The following KIAA1217 variants were observed in gnomAD, a reference collection of about 807,000 sequenced individuals.
KIAA1217 encodes sickle tail protein homolog.
KIAA1217 carries 88 observed loss-of-function variants against 163.9 expected under a neutral mutation model. The observed-to-expected ratio is 0.54, with a 90% confidence interval of 0.45 to 0.64. The LOEUF is 0.64. Among genes scored for constraint, KIAA1217 ranks in the 30% least tolerant of loss-of-function variants. KIAA1217 has a pLI of 0.00. For missense variants in KIAA1217, 2,372 were observed against 2,475.0 expected, an observed-to-expected ratio of 0.96 and a Z score of 0.88; for synonymous variants, 903 against 923.1, an observed-to-expected ratio of 0.98 and a Z score of 0.39.
At chr10:23,764,873 G>A (rs1564401126) in intron 1 of KIAA1217, among the ~76,000 whole-genome samples, 1 of 152,174 alleles carries the variant, frequency 6.6e-6, no homozygotes, top group African/African-American at 2.4e-5. Flanking sequence ...ATATACCTAT[G>A]TAACAAACCT....
At chr10:24,218,751 A>G (rs987232504) in intron 1 of KIAA1217, among the ~76,000 whole-genome samples, 1 of 152,052 alleles carries the variant, frequency 6.6e-6, no homozygotes, top group East Asian at 1.9e-4. Flanking sequence ...GGCCTCCCAA[A>G]GTGCTGGGAT....
At chr10:23,998,931 G>A (rs554809587) in intron 1 of KIAA1217, among the ~76,000 whole-genome samples, 20 of 152,002 alleles carry the variant, frequency 1.3e-4, no homozygotes, top group African/African-American at 4.8e-4. Context: ...CAGAAAGAAG[G>A]CATTGTAAAA....
At chr10:24,054,693 A>T (rs920486318) in intron 2 of KIAA1217, among the ~76,000 whole-genome samples, 15 of 152,174 alleles carry the variant, frequency 9.9e-5, no homozygotes, top group African/African-American at 3.6e-4. Flanking sequence ...CATTGTGCAA[A>T]CATCATAGAG....
chr10:24,290,522 C>A (rs1456965910), intron 2 of KIAA1217, among the ~76,000 whole-genome samples: 2 of 151,486 alleles, frequency 1.3e-5, no homozygotes, highest in Non-Finnish European at 2.9e-5. Context: ...AAAAAAAGTT[C>A]TTTCTTTTTT....
intron 2 of KIAA1217, among the ~76,000 whole-genome samples, chr10:24,339,054 C>T (rs2046740748): frequency 6.6e-6 from 1 of 152,158 alleles, no homozygotes; most frequent in South Asian, 2.1e-4. Flanking sequence ...ATATTTTTCT[C>T]AGTGTTACTA....
At chr10:24,035,344 C>A (rs1300743474) in intron 2 of KIAA1217, among the ~76,000 whole-genome samples, 1 of 152,136 alleles carries the variant, frequency 6.6e-6, no homozygotes, top group Non-Finnish European at 1.5e-5. Flanking sequence ...AGGGCCCTGC[C>A]ACAGCCTGTA....
intron 1 of KIAA1217, among the ~76,000 whole-genome samples, chr10:23,770,031 G>A (rs1297814208): frequency 6.6e-6 from 1 of 152,152 alleles, no homozygotes; most frequent in African/African-American, 2.4e-5. Context: ...TAATTAACTG[G>A]TAATCAACCA....
At chr10:24,149,478 C>G in intron 2 of KIAA1217, among the ~76,000 whole-genome samples, 1 of 151,466 alleles carries the variant, frequency 6.6e-6, no homozygotes, top group East Asian at 1.9e-4. Context: ...GCCTCCATGC[C>G]TGGCCCTATT....
At chr10:24,213,245 T>G (rs1375015541) in intron 1 of KIAA1217, among the ~76,000 whole-genome samples, 1 of 152,210 alleles carries the variant, frequency 6.6e-6, no homozygotes, top group Non-Finnish European at 1.5e-5. Context: ...TATCATATTC[T>G]CTTTGAAGCC....
At chr10:24,508,109 A>G (rs1353873406) in intron 9 of KIAA1217, among the ~76,000 whole-genome samples, 1 of 152,202 alleles carries the variant, frequency 6.6e-6, no homozygotes, top group Non-Finnish European at 1.5e-5. Context: ...TCACGAAAAT[A>G]TATGTAACAA....
chr10:24,405,619 C>T (rs1250479944), intron 3 of KIAA1217, among the ~76,000 whole-genome samples: 1 of 152,152 alleles, frequency 6.6e-6, no homozygotes, highest in African/African-American at 2.4e-5. Context: ...TCTAAACCTA[C>T]GATGCTATTT....
intron 1 of KIAA1217, among the ~76,000 whole-genome samples, chr10:23,843,615 A>T (rs541691125): frequency 1.3e-5 from 2 of 152,272 alleles, no homozygotes; most frequent in African/African-American, 4.8e-5. Context: ...TGGAATGGCT[A>T]ATTTCAGTTG....
At chr10:24,461,505 C>T (rs1469388547) in intron 5 of KIAA1217, among the ~76,000 whole-genome samples, 1 of 152,052 alleles carries the variant, frequency 6.6e-6, no homozygotes, top group Non-Finnish European at 1.5e-5. Context: ...CAGGTGTGTG[C>T]TACCATGACT....
Position 23,813,359 on chromosome 10 carries a change from C to A in KIAA1217, c.-321+118125C>A, listed in dbSNP as rs1172636534. ...ACCTGATTTGCAAAATAAATAATTCCTTTTTTTGCTATTTTTTTGTTTTGT... is the reference window on the plus strand; with the variant it reads ...ACCTGATTTGCAAAATAAATAATTCATTTTTTTGCTATTTTTTTGTTTTGT... On this transcript the variant is annotated intron_variant, in intron 1 of 18. Transcript: ENST00000376462. 2.6e-5 allele frequency among the ~76,000 whole-genome samples: 4 copies of A among 151,670 alleles called. No homozygotes were observed. The East Asian group carries it at 5.8e-4, about 22-fold the overall frequency.
At chr10:24,523,108 C>T (rs1333132578) in intron 12 of KIAA1217, among the ~76,000 whole-genome samples, 1 of 151,666 alleles carries the variant, frequency 6.6e-6, no homozygotes, top group African/African-American at 2.4e-5. Context: ...GCTATGATCA[C>T]ACCACTGCAC....
chr10:24,544,423 C>T lies in KIAA1217; in HGVS notation c.5153C>T (p.Pro1718Leu), dbSNP rs746283524. The T allele has an allele frequency of 2.7e-5, 43 of 1,613,938 alleles. No individual in the cohort carries two copies. The highest frequency in any genetic ancestry group is 4.4e-5 in the South Asian group (4 of 91,076). ...QEASPRPLLV[P>L]DEGPTALEPP... is the part of the protein sequence containing the mutation. ...GCCTCTCCCCGACCCTTGCTAGTTC[C>T]GGATGAAGGTCCCACTGCCCTAGAG... Residue 1718 changes from proline to leucine, a missense_variant, in exon 19 of 21, where the codon CCG becomes CTG. Coordinates refer to ENST00000376454, the MANE Select transcript of KIAA1217 (RefSeq NM_019590.5).
At chr10:24,102,930 C>A (rs2062474126) in intron 2 of KIAA1217, among the ~76,000 whole-genome samples, 1 of 152,100 alleles carries the variant, frequency 6.6e-6, no homozygotes, top group Non-Finnish European at 1.5e-5. Flanking sequence ...GTGCTCAGGG[C>A]AGTGATTAAG....
chr10:24,143,822 A>C (rs910424754), intron 2 of KIAA1217, among the ~76,000 whole-genome samples: 1 of 151,846 alleles, frequency 6.6e-6, no homozygotes, highest in Non-Finnish European at 1.5e-5. Context: ...ATTAAAAAAA[A>C]AAAAAACAAA....
At chr10:24,456,111 C>G (rs1396356818) in intron 5 of KIAA1217, among the ~76,000 whole-genome samples, 1 of 152,178 alleles carries the variant, frequency 6.6e-6, no homozygotes, top group Non-Finnish European at 1.5e-5. Context: ...GTTGCAAACT[C>G]CCGAGCTCAA....
Sources: allele counts gnomAD v4.1 joint callset (sites outside exome capture counted in the v4.1 genomes callset), GRCh38; gene constraint gnomAD v4.1.1; transcripts MANE v1.5; gene names NCBI Gene and HGNC (gene_info 2026-07-23, HGNC 2026-07-21).